Variants in SAMD8 observed in about 807,000 individuals in gnomAD.
SAMD8 encodes sphingomyelin synthase-related protein 1.
In SAMD8, 20 loss-of-function variants were observed where a neutral mutation model predicts 42.0. The ratio of observed to expected loss-of-function variants is 0.48; its 90% CI spans 0.34 to 0.69. SAMD8 has a LOEUF of 0.69. Ranked by LOEUF, SAMD8 falls within the 30% of genes least tolerant of loss-of-function variation. The pLI, the probability that SAMD8 is intolerant of heterozygous loss-of-function variation, is 0.01. For missense variants in SAMD8, 328 were observed against 511.6 expected (o/e 0.64, Z 3.46); for synonymous variants, 162 against 173.0 (o/e 0.94, Z 0.50).
intron 2 of SAMD8, among the ~76,000 whole-genome samples, chr10:75,152,508 C>T (rs1365978004): frequency 7.0e-5 from 9 of 127,980 alleles, no homozygotes; most frequent in African/African-American, 2.7e-4. Context: ...GGCGACAGAG[C>T]GAGACTCCGT....
chr10:75,101,822 C>T (rs1284600866), intron 1 of SAMD8: 1 of 1,306,750 alleles, frequency 7.7e-7, no homozygotes, highest in East Asian at 4.6e-5. Flanking sequence ...CCAGCATGCT[C>T]AGGGACCACA....
chr10:75,119,037 T>C (rs1324028952), intron 1 of SAMD8, among the ~76,000 whole-genome samples: 6 of 152,264 alleles, frequency 3.9e-5, no homozygotes, highest in Non-Finnish European at 7.3e-5. Context: ...CTTTATATAA[T>C]GTTTGAAGTC....
intron 1 of SAMD8, among the ~76,000 whole-genome samples, chr10:75,131,462 T>C (rs1237951067): frequency 3.3e-5 from 5 of 152,148 alleles, no homozygotes; most frequent in African/African-American, 1.2e-4. Flanking sequence ...TGACTGAAGA[T>C]ATATAATATT....
At chr10:75,157,531 C>T (rs1220936505) in intron 2 of SAMD8, among the ~76,000 whole-genome samples, 1 of 152,140 alleles carries the variant, frequency 6.6e-6, no homozygotes, top group African/African-American at 2.4e-5. Flanking sequence ...CAACGAAGTG[C>T]TCTCCTGATT....
rs202162176 is a variant in SAMD8, at chr10:75,146,272, CTTTTTTTTTT to C, written c.-15-4223_-15-4214del. 9.0e-4 allele frequency among the ~76,000 whole-genome samples: 61 copies of C among 68,146 alleles called. 1 individual carries two copies. The highest frequency in any genetic ancestry group is 1.4e-3 in the Non-Finnish European group (55 of 40,346). The allele number at this position is 68,146 out of a possible 152,430, so 44.7% of individuals were successfully genotyped here. On this transcript the variant is annotated intron_variant, in intron 1 of 5. Transcript: ENST00000542569. ...TTTCCTGATGTCCAGTGTCTTGACA[CTTTTTTTTTT>C]TTTTTTTTTTTTTTTTTTGGAGACA... is the stretch of plus-strand genomic sequence containing the variant.
intron 1 of SAMD8, among the ~76,000 whole-genome samples, chr10:75,131,093 T>C (rs967525154): frequency 3.3e-5 from 5 of 152,266 alleles, no homozygotes; most frequent in Admixed American, 1.3e-4. Context: ...GTTGTTGTTA[T>C]AATTAGGAAA....
At chr10:75,109,818 T>TTTTTTTTTTGTTTTG (rs1554856163), upstream of SAMD8, among the ~76,000 whole-genome samples, 28 of 150,200 alleles carry the variant, frequency 1.9e-4, 1 homozygote, top group South Asian at 5.1e-3. Context: ...AAGGTGTTTT[T>TTTTTTTTTTGTTTTG]TTTTGTTTTG....
At chr10:75,151,151 A>AT (rs1840279781) in intron 2 of SAMD8, 45 bp downstream of exon 2, 1 of 953,134 alleles carries the variant, frequency 1.0e-6, no homozygotes, top group East Asian at 2.5e-5. Context: ...TGTTGCTATA[A>AT]TTAACAGCAA....
At chr10:75,127,055 G>A (rs187931249) in intron 1 of SAMD8, among the ~76,000 whole-genome samples, 4 of 152,058 alleles carry the variant, frequency 2.6e-5, no homozygotes, top group Admixed American at 2.0e-4. Flanking sequence ...GGAGAGAGGC[G>A]GCTTGTGCCT....
upstream of SAMD8, chr10:75,108,876 A>T: frequency 8.2e-7 from 1 of 1,219,380 alleles, no homozygotes; most frequent in South Asian, 1.7e-5. Context: ...GGGGTCCTGG[A>T]GAAGGTCCCT....
intron 1 of SAMD8, among the ~76,000 whole-genome samples, chr10:75,119,093 G>T (rs996742022): frequency 2.0e-5 from 3 of 150,994 alleles, no homozygotes; most frequent in Non-Finnish European, 4.4e-5. Flanking sequence ...ATTTTTTTAC[G>T]TTTTATACAT....
In SAMD8 at chr10:75,181,345, G is replaced by C. The variant is rs2132229306; in HGVS notation, c.*4653G>C. ...AATAAGAATGGAAAGAGACTGAGTA[G>C]GTTTTTTGTTTCTTTTCCCTGTCTT... On this transcript the variant is annotated 3_prime_UTR_variant, in exon 6 of 6. Transcript: ENST00000542569. The C allele has an allele frequency of 6.6e-6, 1 of 152,242 alleles. No individual in the cohort carries two copies. The highest frequency in any genetic ancestry group is 2.1e-4 in the South Asian group (1 of 4,820). The allele number at this position is 152,242 out of a possible 1,614,324, so 9.4% of individuals were successfully genotyped here.
intron 1 of SAMD8, among the ~76,000 whole-genome samples, chr10:75,114,101 C>T (rs1848826213): frequency 6.6e-6 from 1 of 151,948 alleles, no homozygotes; most frequent in African/African-American, 2.4e-5. Context: ...TTTAGGAGGC[C>T]GAAGCAGGCA....
intron 1 of SAMD8, among the ~76,000 whole-genome samples, chr10:75,105,480 T>C (rs938707584): frequency 6.6e-6 from 1 of 152,170 alleles, no homozygotes; most frequent in Non-Finnish European, 1.5e-5. Flanking sequence ...GGTGAGACCC[T>C]GGGTAGGTTA....
intron 1 of SAMD8, chr10:75,103,945 C>A: frequency 7.6e-7 from 1 of 1,322,776 alleles, no homozygotes; most frequent in Non-Finnish European, 1.0e-6. Context: ...CCAGGAGGAG[C>A]CAGATGGAGT....
chr10:75,168,317 C>G (rs1840741686), intron 3 of SAMD8: 1 of 461,876 alleles, frequency 2.2e-6, no homozygotes, highest in Admixed American at 6.4e-5. Flanking sequence ...CCGTAAGATC[C>G]ACATAGTATA....
chr10:75,116,447 G>A lies in SAMD8; in HGVS notation c.-16+4725G>A, dbSNP rs146720394. On this transcript the variant is annotated intron_variant, in intron 1 of 5. Coordinates refer to ENST00000542569, the MANE Select transcript of SAMD8 (RefSeq NM_001174156.2). ...GCTTATGAGTTGTGGCAGAGGACAA[G>A]AGGTAGTAACATGAGTATCTGTTAT... Among the ~76,000 whole-genome samples the A allele has an allele frequency of 2.4e-3, 363 of 152,286 alleles. 4 individuals carry two copies. Among genetic ancestry groups the A allele is most frequent in the African/African-American group, 8.1e-3 (338 of 41,554 alleles).
intron 1 of SAMD8, among the ~76,000 whole-genome samples, chr10:75,134,400 C>T (rs759847421): frequency 2.0e-5 from 3 of 152,060 alleles, no homozygotes; most frequent in Non-Finnish European, 4.4e-5. Flanking sequence ...TTTGAGAGGC[C>T]GAGGCCGGCG....
intron 1 of SAMD8, chr10:75,101,805 T>G: frequency 4.8e-6 from 4 of 831,416 alleles, no homozygotes; most frequent in Non-Finnish European, 7.2e-6. Context: ...GTCCTGGCCC[T>G]CATTACCCAG....
Sources: gnomAD v4.1 joint callset for allele counts (sites outside exome capture counted in the v4.1 genomes callset) on GRCh38, gnomAD v4.1.1 for gene constraint, MANE v1.5 for transcripts, NCBI Gene and HGNC (gene_info 2026-07-23, HGNC 2026-07-21) for gene names.